LSM5: variants seen among roughly 807,000 people sequenced by gnomAD.
LSM5 encodes LSM5 homolog, U6 small nuclear RNA and mRNA degradation associated, also known as U6 snRNA-associated Sm-like protein LSm5.
In LSM5, 8 loss-of-function variants were observed where a neutral mutation model predicts 13.8. The ratio of observed to expected loss-of-function variants is 0.58; its 90% CI spans 0.34 to 1.04. LSM5 has a LOEUF of 1.04. Among genes scored for constraint, LSM5 ranks in the 50% least tolerant of loss-of-function variants. The pLI, the probability that LSM5 is intolerant of heterozygous loss-of-function variation, is 0.03. For missense variants in LSM5, 80 were observed against 108.1 expected (o/e 0.74, Z 1.15); for synonymous variants, 35 against 37.0 (o/e 0.95, Z 0.20).
intron 1 of LSM5, chr7:32,489,928 C>A: frequency 3.9e-6 from 3 of 765,360 alleles, no homozygotes; most frequent in Non-Finnish European, 5.4e-6. Flanking sequence ...AGGCTCATTC[C>A]GGACCAGGGT....
chr7:32,488,871 T>A (rs1786508487), intron 2 of LSM5, among the ~76,000 whole-genome samples: 1 of 152,146 alleles, frequency 6.6e-6, no homozygotes, highest in Admixed American at 6.5e-5. Flanking sequence ...CCCACAGGTG[T>A]ACATCACCAT....
chr7:32,490,500 G>A, upstream of LSM5: 1 of 680,316 alleles, frequency 1.5e-6, no homozygotes, highest in Non-Finnish European at 2.6e-6. Context: ...CGTGGGTCGC[G>A]TTCACTGGCT....
At chr7:32,494,918 A>T (rs1786704606), upstream of LSM5, 1 of 152,200 alleles carries the variant, frequency 6.6e-6, no homozygotes, top group Non-Finnish European at 1.5e-5. Context: ...AAGAAAAAAA[A>T]ACTCTAGAAA....
rs1418578010 is a variant in LSM5, at chr7:32,486,276, G to A, written c.*985C>T. The A allele has an allele frequency of 6.6e-6, 1 of 152,082 alleles. No individual in the cohort carries two copies. The highest frequency in any genetic ancestry group is 1.5e-5 in the Non-Finnish European group (1 of 68,026). 9.4% of individuals were successfully genotyped at this position (152,082 alleles called of 1,614,324 possible). On this transcript the variant is annotated 3_prime_UTR_variant, in exon 5 of 5. Coordinates refer to ENST00000450169, the MANE Select transcript of LSM5 (RefSeq NM_012322.3). ...TGTACATATTAATGTTGAAATATTTGACACAGAAAGATATTCACCATTTAA... is the reference window on the plus strand; with the variant it reads ...TGTACATATTAATGTTGAAATATTTAACACAGAAAGATATTCACCATTTAA...
chr7:32,489,165 T>C, intron 2 of LSM5, 84 bp downstream of exon 2: 2 of 682,302 alleles, frequency 2.9e-6, no homozygotes, highest in Admixed American at 5.6e-5. Context: ...TTTATTATAA[T>C]AATCACAAAT....
At chr7:32,491,323 A>G (rs781284121), upstream of LSM5, among the ~76,000 whole-genome samples, 1 of 144,838 alleles carries the variant, frequency 6.9e-6, no homozygotes, top group Non-Finnish European at 1.5e-5. Flanking sequence ...CTTGAACCCG[A>G]GAGGCAGCGG....
Position 32,490,345 on chromosome 7 carries a change from G to A in LSM5, c.21C>T (p.Thr7=), listed in dbSNP as rs1263933101. Residue 7 remains threonine (T), a synonymous_variant, in exon 1 of 5, where the codon ACC becomes ACT. Transcript: ENST00000450169. MAANAT[T]NPSQLLPLEL... Reference sequence around the variant, plus strand: ...CTAAGGGCAGCAGCTGCGACGGGTTGGTAGTAGCGTTAGCCGCCATGGCTA... The same window carrying A: ...CTAAGGGCAGCAGCTGCGACGGGTTAGTAGTAGCGTTAGCCGCCATGGCTA... 3.1e-6 allele frequency: 5 copies of A among 1,614,048 alleles called. No individual in the cohort carries two copies. The highest frequency in any genetic ancestry group is 1.1e-5 in the South Asian group (1 of 91,084).
chr7:32,486,014 AAGAGGAG>A lies in LSM5; in HGVS notation c.*1240_*1246del, dbSNP rs1786436053. 1 of 152,014 alleles carries A rather than the reference AAGAGGAG, an allele frequency of 6.6e-6. No homozygotes were observed. Among genetic ancestry groups the A allele is most frequent in the African/African-American group, 2.4e-5 (1 of 41,412 alleles). The allele number at this position is 152,014 out of a possible 1,614,324, so 9.4% of individuals were successfully genotyped here. ...GCCCGGTTTTCTTGTAAAAATGGCA[AAGAGGAG>A]AGAAGGTAGAACACAGCTAATGCTG... On this transcript the variant is annotated 3_prime_UTR_variant, in exon 5 of 5. Transcript: ENST00000450169.
upstream of LSM5, chr7:32,490,461 T>A (rs1732196535): frequency 4.9e-6 from 5 of 1,022,014 alleles, no homozygotes; most frequent in Non-Finnish European, 7.7e-6. Flanking sequence ...TCGACCAATC[T>A]GAGGCCGAGC....
chr7:32,490,330 C>G lies in LSM5; in HGVS notation c.36G>C (p.Leu12=). The G allele has an allele frequency of 6.2e-7, 1 of 1,614,186 alleles. No homozygotes were observed. The highest frequency in any genetic ancestry group is 8.5e-7 in the Non-Finnish European group (1 of 1,180,016). Residue 12 remains leucine, a synonymous_variant, in exon 1 of 5, where the codon CTG becomes CTC. Transcript: ENST00000450169. ...AANATTNPSQ[L]LPLELVDKCI... is the part of the protein sequence containing the mutation. Reference sequence around the variant, plus strand: ...AAGGACGGCGATTACCTAAGGGCAGCAGCTGCGACGGGTTGGTAGTAGCGT... The same window carrying G: ...AAGGACGGCGATTACCTAAGGGCAGGAGCTGCGACGGGTTGGTAGTAGCGT...
upstream of LSM5, among the ~76,000 whole-genome samples, chr7:32,494,418 A>T (rs1018253945): frequency 1.3e-5 from 2 of 152,276 alleles, no homozygotes; most frequent in African/African-American, 4.8e-5. Context: ...GCATTAAAAC[A>T]GTTCTACTGA....
chr7:32,494,752 C>T (rs1395824444), upstream of LSM5, among the ~76,000 whole-genome samples: 1 of 152,216 alleles, frequency 6.6e-6, no homozygotes. Flanking sequence ...CAGAGTACTA[C>T]ACCCAAAATG....
chr7:32,487,039 C>T lies in LSM5; in HGVS notation c.*222G>A. 1.8e-6 allele frequency: 1 copy of T among 571,280 alleles called. No homozygotes were observed. The highest frequency in any genetic ancestry group is 3.0e-5 in the East Asian group (1 of 33,050). The allele number at this position is 571,280 out of a possible 1,614,324, so 35.4% of individuals were successfully genotyped here. Reference sequence around the variant, plus strand: ...GTAGAATAAACAAAATGACAGTTAACCAAAAACACCTTTATTTTCATCTGC... The same window carrying T: ...GTAGAATAAACAAAATGACAGTTAATCAAAAACACCTTTATTTTCATCTGC... On this transcript the variant is annotated 3_prime_UTR_variant, in exon 5 of 5. Transcript: ENST00000450169.
intron 1 of LSM5, 102 bp downstream of exon 1, chr7:32,490,218 A>G: frequency 6.2e-7 from 1 of 1,605,072 alleles, no homozygotes; most frequent in Non-Finnish European, 8.5e-7. Context: ...TTGGTCTTAT[A>G]CATTTCCCCA....
intron 1 of LSM5, chr7:32,489,902 C>A: frequency 2.0e-6 from 1 of 499,800 alleles, no homozygotes; most frequent in Non-Finnish European, 3.2e-6. Flanking sequence ...GAGCTGGTTT[C>A]CAGATTCCTC....
chr7:32,492,521 AAAC>A (rs1339274055), upstream of LSM5, among the ~76,000 whole-genome samples: 11 of 104,680 alleles, frequency 1.1e-4, no homozygotes, highest in East Asian at 1.8e-3. Context: ...CTCCATCTCA[AAAC>A]AACAACAACA....
intron 1 of LSM5, 30 bp downstream of exon 1, chr7:32,490,290 T>TGTTCCTGCTCCCC: frequency 6.2e-7 from 1 of 1,614,160 alleles, no homozygotes. Flanking sequence ...GTCAGCTCCC[T>TGTTCCTGCTCCCC]GTTCCTGCTC....
upstream of LSM5, among the ~76,000 whole-genome samples, chr7:32,494,019 G>A (rs1786664199): frequency 6.6e-6 from 1 of 151,932 alleles, no homozygotes; most frequent in Non-Finnish European, 1.5e-5. Flanking sequence ...TTTTGTACTA[G>A]AGAGGGGGTT....
At chr7:32,492,005 C>A (rs1490425215), upstream of LSM5, among the ~76,000 whole-genome samples, 1 of 152,194 alleles carries the variant, frequency 6.6e-6, no homozygotes, top group Non-Finnish European at 1.5e-5. Context: ...CACCCATCAA[C>A]ATTCTCCTTA....
Sources: gnomAD v4.1 joint callset for allele counts (sites outside exome capture counted in the v4.1 genomes callset) on GRCh38, gnomAD v4.1.1 for gene constraint, MANE v1.5 for transcripts, NCBI Gene and HGNC (gene_info 2026-07-23, HGNC 2026-07-21) for gene names.